Variants in FUS observed in about 807,000 individuals in gnomAD.
FUS encodes FUS RNA binding protein.
In FUS, 5 loss-of-function variants were observed where a neutral mutation model predicts 82.7. The observed-to-expected ratio is 0.06, with a 90% CI of 0.03 to 0.13. The LOEUF is 0.13. FUS is among the 10% of genes least tolerant of loss of function. The probability of loss-of-function intolerance (pLI) is 1.00; values close to 1 mark genes in which losing one functional copy is unlikely to be tolerated. For synonymous variants in FUS, 281 were observed against 247.4 expected (o/e 1.14, Z -1.27); for missense variants, 512 against 707.8 (o/e 0.72, Z 3.14).
chr16:31,189,001 T>C, intron 8 of FUS, 122 bp from the exon 9 acceptor site: 1 of 769,526 alleles, frequency 1.3e-6, no homozygotes, highest in East Asian at 2.5e-5. Context: ...TGGATTTCTT[T>C]TTAGTTGTCT....
At chr16:31,192,201 A>G (rs779574774), downstream of FUS, 5 of 527,538 alleles carry the variant, frequency 9.5e-6, no homozygotes, top group Non-Finnish European at 1.8e-5. Flanking sequence ...CTGTACTCAG[A>G]GGGCTTGAGG....
At chr16:31,190,170 G>T in intron 11 of FUS, 29 bp downstream of exon 11, 1 of 1,613,946 alleles carries the variant, frequency 6.2e-7, no homozygotes, top group Non-Finnish European at 8.5e-7. Flanking sequence ...GTGGTGCAGA[G>T]GGGTAATGGG....
intron 6 of FUS, chr16:31,185,795 C>T (rs2079260813): frequency 3.5e-6 from 1 of 289,492 alleles, no homozygotes; most frequent in Non-Finnish European, 7.0e-6. Context: ...ATTTGTTCCA[C>T]TGTCTGCCTT....
At chr16:31,193,326 C>G (rs1294478262), downstream of FUS, 8 of 522,724 alleles carry the variant, frequency 1.5e-5, no homozygotes, top group African/African-American at 7.5e-5. Context: ...TCAAGTGGGC[C>G]TTCCCAGGCA....
intron 6 of FUS, chr16:31,185,688 G>C (rs1225588347): frequency 4.7e-6 from 2 of 429,452 alleles, no homozygotes; most frequent in Non-Finnish European, 9.5e-6. Flanking sequence ...TAATTTGACC[G>C]ACATTGATTT....
downstream of FUS, chr16:31,192,347 G>A (rs967125456): frequency 3.8e-6 from 2 of 526,392 alleles, no homozygotes; most frequent in Non-Finnish European, 7.4e-6. Context: ...GTGCTCCTCA[G>A]CCTCTTACCA....
intron 10 of FUS, 36 bp downstream of exon 10, chr16:31,189,830 G>T: frequency 6.2e-7 from 1 of 1,613,404 alleles, no homozygotes; most frequent in Non-Finnish European, 8.5e-7. Context: ...TGGGGCTGGG[G>T]ATATAGGGCA....
chr16:31,185,501 C>G, intron 6 of FUS: 1 of 597,656 alleles, frequency 1.7e-6, no homozygotes, highest in Non-Finnish European at 3.1e-6. Flanking sequence ...GTGAAGACTT[C>G]TTTCTCTGCA....
chr16:31,188,500 G>C, intron 8 of FUS, 143 bp downstream of exon 8: 2 of 864,444 alleles, frequency 2.3e-6, no homozygotes, highest in South Asian at 1.4e-5. Context: ...TTAGTTAGCA[G>C]TGAGAAGTAT....
At chr16:31,187,679 C>G in intron 7 of FUS, 1 of 233,538 alleles carries the variant, frequency 4.3e-6, no homozygotes, top group Non-Finnish European at 8.4e-6. Context: ...ATGGCGAATT[C>G]AGATAAACAT....
chr16:31,182,751 C>T (rs886095104), intron 3 of FUS, 87 bp downstream of exon 3: 2 of 1,552,600 alleles, frequency 1.3e-6, no homozygotes, highest in Non-Finnish European at 1.8e-6. Context: ...GAGTCTGGTC[C>T]TGTTGCCCAG....
At chr16:31,180,560 C>A (rs1239251448) in intron 1 of FUS, among the ~76,000 whole-genome samples, 1 of 152,238 alleles carries the variant, frequency 6.6e-6, no homozygotes, top group Admixed American at 6.5e-5. Context: ...CTCCCGGCCC[C>A]GCGCTCGAGC....
intron 12 of FUS, 85 bp downstream of exon 12, chr16:31,190,483 A>G (rs1398515043): frequency 1.3e-6 from 2 of 1,595,764 alleles, no homozygotes; most frequent in African/African-American, 1.3e-5. Context: ...GTGTTTTCCA[A>G]AGAAGTAAAT....
chr16:31,194,363 A>C (rs769270805), downstream of FUS: 5 of 520,270 alleles, frequency 9.6e-6, no homozygotes, highest in South Asian at 6.2e-5. Flanking sequence ...ATCTCGACCA[A>C]CTGCAACCTC....
chr16:31,184,440 T>TTTC, intron 5 of FUS, 44 bp downstream of exon 5: 3 of 866,718 alleles, frequency 3.5e-6, no homozygotes, highest in African/African-American at 4.2e-5. Flanking sequence ...TTCTTTTTCT[T>TTTC]TTTTTTTTTT....
downstream of FUS, chr16:31,193,039 C>T (rs886051947): frequency 4.1e-5 from 20 of 484,398 alleles, no homozygotes; most frequent in South Asian, 1.5e-4. Context: ...TTCGGCTTAC[C>T]GCAACTGCCG....
chr16:31,192,183 C>T (rs1189897338), downstream of FUS: 8 of 528,234 alleles, frequency 1.5e-5, no homozygotes, highest in Admixed American at 6.7e-5. Flanking sequence ...GTTACTTTCA[C>T]ATCCTGCCTG....
At chr16:31,187,340 A>C (rs1429494999) in intron 7 of FUS, 1 of 255,868 alleles carries the variant, frequency 3.9e-6, no homozygotes, top group African/African-American at 2.2e-5. Context: ...AATGAATGCA[A>C]TTCTATGTAT....
intron 6 of FUS, chr16:31,185,515 G>T (rs2079256104): frequency 1.7e-6 from 1 of 581,032 alleles, no homozygotes; most frequent in Non-Finnish European, 3.2e-6. Context: ...CTCTGCAAGG[G>T]AAACCGATGA....
Sources: gnomAD v4.1 joint callset for allele counts (sites outside exome capture counted in the v4.1 genomes callset) on GRCh38, gnomAD v4.1.1 for gene constraint, MANE v1.5 for transcripts, NCBI Gene and HGNC (gene_info 2026-07-23, HGNC 2026-07-21) for gene names.